Variants in MTMR7 observed in about 807,000 individuals in gnomAD.
The protein encoded by MTMR7 is phosphatidylinositol-3-phosphate phosphatase MTMR7.
Under a neutral mutation model 81.2 loss-of-function variants are expected in MTMR7, and 76 were observed. The ratio of observed to expected loss-of-function variants is 0.94; its 90% CI spans 0.78 to 1.13. The LOEUF is 1.13. MTMR7 is among the 50% of genes most tolerant of loss of function. The probability of loss-of-function intolerance (pLI) is 0.00; values close to 1 mark genes in which losing one functional copy is unlikely to be tolerated. For synonymous variants in MTMR7, 372 were observed against 289.8 expected (o/e 1.28, Z -2.88); for missense variants, 1,044 against 820.0 (o/e 1.27, Z -3.34).
At position 17,324,210 on chromosome 8, in the gene MTMR7, C is replaced by G. The variant is rs149025251; in HGVS notation, c.865+6940G>C. ...TCTTTCAGAATAAATGAAGGAAGCA[C>G]TTGTCTATCCAATGCCTGGCATATA... On this transcript the variant is annotated intron_variant, in intron 7 of 13. Transcript: ENST00000180173. 4.4e-3 allele frequency among the ~76,000 whole-genome samples: 664 copies of G among 152,316 alleles called. 5 individuals carry two copies. The highest frequency in any genetic ancestry group is 0.015 in the African/African-American group (626 of 41,570).
intron 1 of MTMR7, among the ~76,000 whole-genome samples, chr8:17,410,629 C>T (rs1365766356): frequency 6.6e-6 from 1 of 152,174 alleles, no homozygotes; most frequent in Non-Finnish European, 1.5e-5. Flanking sequence ...GGGAAGCACT[C>T]TGCTTAGCAT....
intron 10 of MTMR7, among the ~76,000 whole-genome samples, chr8:17,306,465 T>C (rs549650269): frequency 1.2e-3 from 178 of 152,266 alleles, no homozygotes; most frequent in Non-Finnish European, 2.0e-3. Context: ...TATCACGTGA[T>C]TTATTTCCAT....
intron 4 of MTMR7, among the ~76,000 whole-genome samples, chr8:17,356,057 G>C (rs1197958471): frequency 6.6e-6 from 1 of 152,180 alleles, no homozygotes; most frequent in Non-Finnish European, 1.5e-5. Flanking sequence ...TTTCATCCTT[G>C]TGTCCTATCC....
At chr8:17,399,779 T>C (rs1009942045) in intron 1 of MTMR7, among the ~76,000 whole-genome samples, 1 of 151,774 alleles carries the variant, frequency 6.6e-6, no homozygotes, top group African/African-American at 2.4e-5. Context: ...TTATTCACAG[T>C]AGTCGAGATT....
intron 1 of MTMR7, among the ~76,000 whole-genome samples, chr8:17,382,102 A>G (rs1820778386): frequency 6.6e-6 from 1 of 152,202 alleles, no homozygotes; most frequent in Admixed American, 6.5e-5. Flanking sequence ...ATTTTCTGGA[A>G]ATTAAGTCAC....
intron 9 of MTMR7, among the ~76,000 whole-genome samples, chr8:17,310,216 G>A (rs1252367005): frequency 3.3e-5 from 5 of 151,962 alleles, no homozygotes; most frequent in Admixed American, 1.3e-4. Context: ...GCCCAGGCTG[G>A]TCTCAAACTC....
intron 1 of MTMR7, among the ~76,000 whole-genome samples, chr8:17,373,796 A>C (rs1481298089): frequency 2.0e-5 from 3 of 152,204 alleles, no homozygotes; most frequent in African/African-American, 7.2e-5. Flanking sequence ...TTTATAACAA[A>C]ATCTTCCTAA....
intron 7 of MTMR7, among the ~76,000 whole-genome samples, chr8:17,317,485 T>C (rs2269688): frequency 0.12 from 17,929 of 152,122 alleles, 1,774 homozygotes; most frequent in East Asian, 0.46. Flanking sequence ...GTTTTTGGCC[T>C]GGAATTCCCC....
intron 7 of MTMR7, 100 bp downstream of exon 7, chr8:17,331,050 C>T: frequency 7.2e-7 from 1 of 1,380,684 alleles, no homozygotes; most frequent in Non-Finnish European, 9.9e-7. Context: ...CAAATTATCA[C>T]ACCTATGTAA....
chr8:17,309,077 A>G (rs569959231), intron 10 of MTMR7, among the ~76,000 whole-genome samples, 200 bp downstream of exon 10: 1 of 152,330 alleles, frequency 6.6e-6, no homozygotes, highest in East Asian at 1.9e-4. Context: ...AACATTAGTT[A>G]GTTCTGCCCA....
At chr8:17,329,225 C>A (rs1818862835) in intron 7 of MTMR7, among the ~76,000 whole-genome samples, 1 of 152,134 alleles carries the variant, frequency 6.6e-6, no homozygotes, top group African/African-American at 2.4e-5. Flanking sequence ...GGAGGAAAAG[C>A]CTTAGAAGGT....
chr8:17,326,717 T>A (rs1818700828), intron 7 of MTMR7, among the ~76,000 whole-genome samples: 1 of 152,178 alleles, frequency 6.6e-6, no homozygotes, highest in Non-Finnish European at 1.5e-5. Flanking sequence ...CCAACAACCA[T>A]AAGTGCTTGG....
rs199514566 is a variant in MTMR7 at position 17,309,254 on chromosome 8, A to C, written c.1151+23T>G. 8 of 1,436,272 alleles carry C rather than the reference A, an allele frequency of 5.6e-6. No homozygotes were observed. The Admixed American group carries it at 1.5e-4, about 27-fold the overall frequency. The allele number at this position is 1,436,272 out of a possible 1,614,324, so 89.0% of individuals were successfully genotyped here. ...ACAGTGCTTTTATTCTAAACATTCA[A>C]AACAGTCTTAAATATTACTTACCGG... On this transcript the variant is annotated intron_variant, in intron 10 of 13. Transcript: ENST00000180173.
chr8:17,383,278 T>C (rs1229165052), intron 1 of MTMR7, among the ~76,000 whole-genome samples: 2 of 152,140 alleles, frequency 1.3e-5, no homozygotes, highest in Non-Finnish European at 2.9e-5. Context: ...AGCGTAACTG[T>C]GGTGCGTTCC....
intron 1 of MTMR7, among the ~76,000 whole-genome samples, chr8:17,392,012 T>C (rs1022350181): frequency 2.6e-5 from 4 of 152,064 alleles, no homozygotes; most frequent in Non-Finnish European, 4.4e-5. Flanking sequence ...AGAAATATGG[T>C]ACAAAATGAG....
intron 4 of MTMR7, among the ~76,000 whole-genome samples, chr8:17,360,483 T>TG (rs1012760257): frequency 6.6e-6 from 1 of 151,668 alleles, no homozygotes; most frequent in African/African-American, 2.4e-5. Flanking sequence ...TTGGGGTTTT[T>TG]TTTTTTCCTT....
chr8:17,322,011 AG>A (rs2150510732), intron 7 of MTMR7, among the ~76,000 whole-genome samples: 1 of 119,322 alleles, frequency 8.4e-6, no homozygotes, highest in African/African-American at 4.1e-5. Context: ...GGGGTCAGTG[AG>A]GGTGCAGAAA....
chr8:17,304,745 TCG>T (rs1491461818), intron 11 of MTMR7, among the ~76,000 whole-genome samples: 1 of 9,874 alleles, frequency 1.0e-4, no homozygotes, highest in Non-Finnish European at 1.8e-4. Context: ...GGTGTTCGAT[TCG>T]TGTGTGTGTG....
intron 3 of MTMR7, among the ~76,000 whole-genome samples, chr8:17,366,246 A>C (rs969745001): frequency 2.0e-5 from 3 of 152,192 alleles, no homozygotes; most frequent in African/African-American, 7.2e-5. Flanking sequence ...GGGTACAACA[A>C]AACATTAGGG....
Sources: allele counts gnomAD v4.1 joint callset (sites outside exome capture counted in the v4.1 genomes callset), GRCh38; gene constraint gnomAD v4.1.1; transcripts MANE v1.5; gene names NCBI Gene and HGNC (gene_info 2026-07-23, HGNC 2026-07-21).